CFAP70: variants seen among roughly 807,000 people sequenced by gnomAD.
CFAP70 encodes the protein cilia and flagella associated protein 70, also known as cilia- and flagella-associated protein 70.
A neutral mutation model predicts 137.6 loss-of-function variants in CFAP70; 81 were observed. The ratio of observed to expected loss-of-function variants is 0.59; its 90% CI spans 0.49 to 0.71. The LOEUF is 0.71. Ranked by LOEUF, CFAP70 falls within the 30% of genes least tolerant of loss-of-function variation. The pLI is 0.00. For missense variants in CFAP70, 976 were observed against 1,226.7 expected (o/e 0.80, Z 3.05); for synonymous variants, 382 against 423.6 (o/e 0.90, Z 1.20).
At chr10:73,287,313 A>AC (rs2047800645) in intron 19 of CFAP70, among the ~76,000 whole-genome samples, 1 of 152,240 alleles carries the variant, frequency 6.6e-6, no homozygotes, top group Non-Finnish European at 1.5e-5. Context: ...ATACAATGGT[A>AC]AGTATTTGTG....
intron 8 of CFAP70, among the ~76,000 whole-genome samples, chr10:73,328,092 T>G (rs1326096373): frequency 6.6e-6 from 1 of 152,066 alleles, no homozygotes; most frequent in Non-Finnish European, 1.5e-5. Flanking sequence ...CAAACTATAC[T>G]ACAAGTCTAC....
At chr10:73,279,450 G>A (rs1564774770) in intron 19 of CFAP70, among the ~76,000 whole-genome samples, 1 of 151,686 alleles carries the variant, frequency 6.6e-6, no homozygotes, top group African/African-American at 2.4e-5. Context: ...CGTGAACCCG[G>A]GAGGCAGAGC....
At position 73,284,405 on chromosome 10, in the gene CFAP70, CAA is replaced by C. The variant is rs1418646122; in HGVS notation, c.2240-6070_2240-6069del. Among the ~76,000 whole-genome samples, 3 of 152,106 alleles carry C rather than the reference CAA, an allele frequency of 2.0e-5. No individual in the cohort carries two copies. The East Asian group carries it at 5.8e-4, about 29-fold the overall frequency. Reference sequence around the variant, plus strand: ...ATTTCAAGATTCTTGACCACATTTGCAAAGTCTCTTTTGCTATATAAGGCAAC... The same window carrying C: ...ATTTCAAGATTCTTGACCACATTTGCAGTCTCTTTTGCTATATAAGGCAAC... On this transcript the variant is annotated intron_variant, in intron 19 of 26. Coordinates refer to ENST00000310715, the Ensembl canonical transcript of CFAP70.
chr10:73,288,144 G>A (rs1425614101), intron 19 of CFAP70, among the ~76,000 whole-genome samples: 1 of 151,936 alleles, frequency 6.6e-6, no homozygotes, highest in African/African-American at 2.4e-5. Context: ...TGATCCACCC[G>A]CCTTGGCCTC....
chr10:73,288,444 G>A (rs2047912898), intron 19 of CFAP70, among the ~76,000 whole-genome samples: 1 of 152,120 alleles, frequency 6.6e-6, no homozygotes, highest in African/African-American at 2.4e-5. Context: ...CTCAGGTTCT[G>A]TCAATGCCAT....
chr10:73,256,323 A>G, intron 26 of CFAP70, 46 bp downstream of exon 27: 1 of 1,609,480 alleles, frequency 6.2e-7, no homozygotes, highest in East Asian at 2.2e-5. Context: ...CTAATTTCCC[A>G]CCCTTAACAT....
intron 1 of CFAP70, among the ~76,000 whole-genome samples, chr10:73,355,866 C>G (rs924560581): frequency 1.3e-5 from 2 of 152,124 alleles, no homozygotes; most frequent in Admixed American, 6.5e-5. Context: ...ATCCCCGCTG[C>G]CCCCAGTCTG....
chr10:73,264,481 A>G (rs1452767823), intron 25 of CFAP70, among the ~76,000 whole-genome samples: 2 of 152,176 alleles, frequency 1.3e-5, no homozygotes, highest in Non-Finnish European at 2.9e-5. Flanking sequence ...CTAATCCACC[A>G]CTACAAGGTC....
At chr10:73,259,103 G>A (rs1320093128) in intron 25 of CFAP70, among the ~76,000 whole-genome samples, 1 of 152,194 alleles carries the variant, frequency 6.6e-6, no homozygotes, top group African/African-American at 2.4e-5. Flanking sequence ...AAAACTTGCT[G>A]GTTTTGTGGC....
At chr10:73,355,886 T>A (rs1450063236) in intron 1 of CFAP70, among the ~76,000 whole-genome samples, 1 of 152,168 alleles carries the variant, frequency 6.6e-6, no homozygotes, top group South Asian at 2.1e-4. Context: ...GTGGAAAAAT[T>A]GTCTTCCACG....
chr10:73,256,280 A>G, intron 26 of CFAP70, 89 bp downstream of exon 27: 2 of 1,440,062 alleles, frequency 1.4e-6, no homozygotes, highest in Non-Finnish European at 1.9e-6. Flanking sequence ...TATTCACATT[A>G]TGAAAGTCCT....
chr10:73,293,397 T>C lies in CFAP70; in HGVS notation c.1645-9A>G, dbSNP rs1343920450. 3 of 1,579,720 alleles carry C rather than the reference T, an allele frequency of 1.9e-6. No homozygotes were observed. The highest frequency in any genetic ancestry group is 4.5e-5 in the East Asian group (2 of 44,144). ...ACATCATCTGGCATGGTCTTGTCAA[T>C]GTCAAGATGTTAGGTAGACAAAAAT... On this transcript the variant is annotated splice_polypyrimidine_tract_variant and intron_variant, in intron 15 of 26. Transcript: ENST00000310715.
At position 73,277,481 on chromosome 10, in the gene CFAP70, G is replaced by A. The variant is rs766250946; in HGVS notation, c.2399-120C>T. On this transcript the variant is annotated intron_variant, in intron 20 of 26. Transcript: ENST00000310715. ...TGTAATCCCAGCACTTTGGGAGGCC[G>A]AGGCAGGCAGATCACGAGGTCAGGA... 1.7e-4 allele frequency: 170 copies of A among 1,024,074 alleles called. 1 individual carries two copies. The highest frequency in any genetic ancestry group is 2.2e-4 in the Non-Finnish European group (160 of 731,696). The allele number at this position is 1,024,074 out of a possible 1,614,324, so 63.4% of individuals were successfully genotyped here. A position where few individuals can be genotyped will look rare whatever the true frequency, so the allele number is the denominator to read the frequency against.
chr10:73,319,509 A>G (rs1443674792), intron 9 of CFAP70, among the ~76,000 whole-genome samples: 1 of 152,168 alleles, frequency 6.6e-6, no homozygotes, highest in East Asian at 1.9e-4. Flanking sequence ...AGCTTAAACC[A>G]ATGTGTAACT....
intron 12 of CFAP70, among the ~76,000 whole-genome samples, chr10:73,300,348 C>T (rs2048855695): frequency 6.6e-6 from 1 of 152,124 alleles, no homozygotes; most frequent in Admixed American, 6.5e-5. Context: ...TTGAAGTCCA[C>T]AATCAAACTC....
At chr10:73,315,216 CAAAAAA>C (rs58468801) in intron 9 of CFAP70, among the ~76,000 whole-genome samples, 2 of 64,056 alleles carry the variant, frequency 3.1e-5, no homozygotes. Context: ...GACCCCATCT[CAAAAAA>C]AAAAAAAAAA....
intron 20 of CFAP70, 143 bp downstream of exon 21, chr10:73,278,036 G>C: frequency 1.4e-6 from 1 of 698,178 alleles, no homozygotes. Context: ...TGCTTACTGA[G>C]AGAGTTACAC....
chr10:73,356,261 T>C (rs1042539357), intron 1 of CFAP70, among the ~76,000 whole-genome samples: 2 of 151,746 alleles, frequency 1.3e-5, no homozygotes, highest in Non-Finnish European at 2.9e-5. Context: ...TGCAGTGGTG[T>C]GATCACAGCT....
upstream of CFAP70, among the ~76,000 whole-genome samples, chr10:73,360,726 T>G (rs2054974250): frequency 6.6e-6 from 1 of 152,092 alleles, no homozygotes; most frequent in South Asian, 2.1e-4. Context: ...TCTCTCTGGA[T>G]TTTTTTTCCC....
Sources: allele counts gnomAD v4.1 joint callset (sites outside exome capture counted in the v4.1 genomes callset), GRCh38; gene constraint gnomAD v4.1.1; transcripts MANE v1.5; gene names NCBI Gene and HGNC (gene_info 2026-07-23, HGNC 2026-07-21).